Variants in ADK observed in about 807,000 individuals in gnomAD.
The protein encoded by ADK is adenosine kinase.
A neutral mutation model predicts 44.7 loss-of-function variants in ADK; 24 were observed. That is an observed-to-expected ratio of 0.54 (90% confidence interval 0.39 to 0.76). The LOEUF (loss-of-function observed/expected upper bound fraction) is 0.76. ADK is among the 30% of genes least tolerant of loss of function. The pLI, the probability that ADK is intolerant of heterozygous loss-of-function variation, is 0.00. For synonymous variants in ADK, 128 were observed against 142.6 expected (o/e 0.90, Z 0.73); for missense variants, 321 against 425.1 (o/e 0.76, Z 2.15).
chr10:74,563,348 C>T (rs1418502102), intron 7 of ADK, among the ~76,000 whole-genome samples: 1 of 152,204 alleles, frequency 6.6e-6, no homozygotes, highest in African/African-American at 2.4e-5. Flanking sequence ...CCATCTTACT[C>T]TCACTAATTT....
chr10:74,427,723 ATGTATG>A (rs1285280316), intron 6 of ADK, among the ~76,000 whole-genome samples: 2 of 100,278 alleles, frequency 2.0e-5, no homozygotes, highest in African/African-American at 4.0e-5. Flanking sequence ...GTATATGTAT[ATGTATG>A]TGTGTGTGTG....
At chr10:74,599,189 G>T (rs2133960043) in intron 8 of ADK, among the ~76,000 whole-genome samples, 1 of 152,264 alleles carries the variant, frequency 6.6e-6, no homozygotes, top group East Asian at 1.9e-4. Context: ...ACTACAAATG[G>T]CTATTCTTTT....
chr10:74,583,017 G>C (rs1404446828), intron 7 of ADK, among the ~76,000 whole-genome samples: 1 of 152,020 alleles, frequency 6.6e-6, no homozygotes, highest in African/African-American at 2.4e-5. Context: ...TTCCTTATCA[G>C]AAATAATGCA....
intron 7 of ADK, among the ~76,000 whole-genome samples, chr10:74,529,059 A>T (rs190775718): frequency 4.6e-5 from 7 of 152,326 alleles, no homozygotes; most frequent in Admixed American, 3.9e-4. Flanking sequence ...AGATAATTGT[A>T]CACCAATGTC....
chr10:74,396,551 A>G (rs1431252873), intron 5 of ADK, among the ~76,000 whole-genome samples: 2 of 152,102 alleles, frequency 1.3e-5, no homozygotes, highest in African/African-American at 4.8e-5. Context: ...AACAAAAAAC[A>G]AAACAAAAAA....
At chr10:74,377,523 C>CT (rs1842852105) in intron 4 of ADK, among the ~76,000 whole-genome samples, 1 of 152,178 alleles carries the variant, frequency 6.6e-6, no homozygotes, top group Non-Finnish European at 1.5e-5. Context: ...AAATCAGACT[C>CT]TATACATCAA....
intron 6 of ADK, among the ~76,000 whole-genome samples, chr10:74,504,346 T>G (rs1346169342): frequency 6.6e-6 from 1 of 152,020 alleles, no homozygotes; most frequent in African/African-American, 2.4e-5. Context: ...AGCATACATA[T>G]TCATTTAGTA....
chr10:74,430,872 G>A (rs1333110611), intron 6 of ADK, among the ~76,000 whole-genome samples: 7 of 151,844 alleles, frequency 4.6e-5, no homozygotes, highest in South Asian at 4.2e-4. Context: ...AGAGCAAGGC[G>A]GCTGGAAGGA....
intron 2 of ADK, among the ~76,000 whole-genome samples, chr10:74,211,616 G>T (rs896057069): frequency 2.6e-5 from 4 of 152,134 alleles, no homozygotes; most frequent in Non-Finnish European, 5.9e-5. Context: ...GCAGCAGTGT[G>T]TGCTGTCCAC....
chr10:74,648,510 T>G (rs1000223365), intron 9 of ADK, among the ~76,000 whole-genome samples: 1 of 151,690 alleles, frequency 6.6e-6, no homozygotes, highest in African/African-American at 2.4e-5. Context: ...AAACCCCATC[T>G]CTACTAAAAA....
At chr10:74,371,462 A>G (rs1842655098) in intron 4 of ADK, 4 of 636,858 alleles carry the variant, frequency 6.3e-6, no homozygotes, top group Non-Finnish European at 1.1e-5. Flanking sequence ...ATGGCTTTTC[A>G]CACTACCCAC....
chr10:74,242,821 T>G (rs1375211084), intron 3 of ADK, among the ~76,000 whole-genome samples: 1 of 152,196 alleles, frequency 6.6e-6, no homozygotes, highest in Non-Finnish European at 1.5e-5. Flanking sequence ...TGCCAGACTT[T>G]CGGGAAAAGA....
At chr10:74,348,434 A>G (rs1389295407) in intron 4 of ADK, among the ~76,000 whole-genome samples, 6 of 152,186 alleles carry the variant, frequency 3.9e-5, no homozygotes, top group Non-Finnish European at 8.8e-5. Flanking sequence ...TCCAAAGGTC[A>G]TCAGCCTCAA....
At chr10:74,611,488 C>CTT (rs779755217) in intron 9 of ADK, among the ~76,000 whole-genome samples, 5 of 137,626 alleles carry the variant, frequency 3.6e-5, no homozygotes, top group South Asian at 2.3e-4. Flanking sequence ...ACAGTCCTAC[C>CTT]TTTTTTTTTT....
At chr10:74,246,986 A>G (rs1277390790) in intron 3 of ADK, among the ~76,000 whole-genome samples, 3 of 151,824 alleles carry the variant, frequency 2.0e-5, no homozygotes, top group Admixed American at 6.6e-5. Flanking sequence ...TTCTAATATG[A>G]TAACTAGGGC....
chr10:74,550,282 G>A lies in ADK; in HGVS notation c.726+24856G>A, dbSNP rs144715409. 4.7e-4 allele frequency among the ~76,000 whole-genome samples: 72 copies of A among 151,808 alleles called. 2 individuals are homozygous for A. The East Asian group carries it at 0.013, about 28-fold the overall frequency. ...GACAGGGTTTCACTGTGTTGGCCAG[G>A]CTGGTCTCGAACTCCTGACCTCAGG... On this transcript the variant is annotated intron_variant, in intron 7 of 10. Transcript: ENST00000539909.
At chr10:74,691,615 T>C (rs1365903264) in intron 10 of ADK, among the ~76,000 whole-genome samples, 1 of 152,208 alleles carries the variant, frequency 6.6e-6, no homozygotes, top group African/African-American at 2.4e-5. Flanking sequence ...GCCAGAGCCA[T>C]GGAGAATACC....
intron 6 of ADK, among the ~76,000 whole-genome samples, chr10:74,418,023 G>C (rs1844433903): frequency 6.6e-6 from 1 of 152,082 alleles, no homozygotes; most frequent in Non-Finnish European, 1.5e-5. Context: ...AAGTAGGAAA[G>C]AAACAGCTAA....
At chr10:74,655,295 T>A (rs1854439122) in intron 9 of ADK, 2 of 464,712 alleles carry the variant, frequency 4.3e-6, no homozygotes, top group African/African-American at 4.1e-5. Context: ...AGGGCCCAGC[T>A]GAAATGATGA....
Sources: gnomAD v4.1 joint callset for allele counts (sites outside exome capture counted in the v4.1 genomes callset) on GRCh38, gnomAD v4.1.1 for gene constraint, MANE v1.5 for transcripts, NCBI Gene and HGNC (gene_info 2026-07-23, HGNC 2026-07-21) for gene names.